The following COQ8A variants were observed in gnomAD, a reference collection of about 807,000 sequenced individuals.
The protein encoded by COQ8A is atypical kinase COQ8A, mitochondrial.
COQ8A carries 51 observed loss-of-function variants against 65.0 expected under a neutral mutation model. The observed-to-expected ratio is 0.78, with a 90% confidence interval of 0.63 to 0.99. The LOEUF (loss-of-function observed/expected upper bound fraction) is 0.99. Ranked by LOEUF, COQ8A falls within the 50% of genes least tolerant of loss-of-function variation. The pLI, the probability that COQ8A is intolerant of heterozygous loss-of-function variation, is 0.00. For synonymous variants in COQ8A, 371 were observed against 353.2 expected (o/e 1.05, Z -0.57); for missense variants, 940 against 875.0 (o/e 1.07, Z -0.94).
intron 5 of COQ8A, among the ~76,000 whole-genome samples, chr1:226,981,091 A>C (rs566893123): frequency 6.6e-6 from 1 of 152,242 alleles, no homozygotes; most frequent in Non-Finnish European, 1.5e-5. Context: ...GACAGAAGGC[A>C]GGAGAAGCTC....
In COQ8A at chr1:226,986,677, C is replaced by T. The variant is rs748124696; in HGVS notation, c.1884C>T (p.Pro628=). The change falls in exon 15 of 15, where the codon CCC becomes CCT. Residue 628 remains proline (P), a synonymous_variant. Coordinates refer to ENST00000366777, the MANE Select transcript of COQ8A (RefSeq NM_020247.5). Reference sequence around the variant, plus strand: ...GCTCCAAGCTGAAGGCCCGCTTCCCCTGCAAGGCCATGTTCGAGGAGGCCT... The same window carrying T: ...GCTCCAAGCTGAAGGCCCGCTTCCCTTGCAAGGCCATGTTCGAGGAGGCCT... ...LICSKLKARF[P]CKAMFEEAYS... 10 of 1,614,040 alleles carry T rather than the reference C, an allele frequency of 6.2e-6. No homozygotes were observed. In the Admixed American group the frequency reaches 6.7e-5, roughly 11 times the overall value.
intron 2 of COQ8A, among the ~76,000 whole-genome samples, chr1:226,962,992 G>A (rs1658343717): frequency 6.6e-6 from 1 of 152,230 alleles, no homozygotes; most frequent in South Asian, 2.1e-4. Context: ...TGGGGCCTCG[G>A]CCTCGCTCTT....
chr1:226,980,510 G>C (rs953480057), intron 5 of COQ8A, among the ~76,000 whole-genome samples: 1 of 152,182 alleles, frequency 6.6e-6, no homozygotes, highest in East Asian at 1.9e-4. Context: ...CAAGCCCCCA[G>C]CCCACAAGTA....
intron 1 of COQ8A, among the ~76,000 whole-genome samples, chr1:226,947,096 A>G (rs1251359567): frequency 6.6e-6 from 1 of 152,224 alleles, no homozygotes; most frequent in Admixed American, 6.5e-5. Flanking sequence ...CAGAATTTTT[A>G]TGACTCAATT....
At position 226,965,042 on chromosome 1, in the gene COQ8A, G is replaced by C. The variant is rs778948697; in HGVS notation, c.220G>C (p.Gly74Arg). ...HEEYFAENFG[G>R]PEGEFHFSVP... The stretch of plus-strand genomic sequence containing the variant: ...AGAATATTTTGCTGAGAACTTCGGC[G>C]GCCCAGAAGGGGAGTTCCACTTCTC... The change falls in exon 3 of 15, where the codon GGC becomes CGC. Residue 74 changes from glycine to arginine, a missense_variant. Physicochemically the swap from Gly to Arg is moderately radical, Grantham distance 125. Transcript: ENST00000366777. 6.2e-7 allele frequency: 1 copy of C among 1,613,886 alleles called. No individual in the cohort carries two copies. Among genetic ancestry groups the C allele is most frequent in the Admixed American group, 1.7e-5 (1 of 60,008 alleles).
chr1:226,949,193 G>A lies in COQ8A; in HGVS notation c.-10+8794G>A, dbSNP rs1247601595. Among the ~76,000 whole-genome samples the A allele has an allele frequency of 6.6e-6, 1 of 151,850 alleles. No homozygotes were observed. The highest frequency in any genetic ancestry group is 2.4e-5 in the African/African-American group (1 of 41,344). ...AGTGCGCTCACATGGCTCGCGCGTAGCTGGAGGCTGGAAAGGAGGCCGGGG... is the reference window on the plus strand; with the variant it reads ...AGTGCGCTCACATGGCTCGCGCGTAACTGGAGGCTGGAAAGGAGGCCGGGG... On this transcript the variant is annotated intron_variant, in intron 1 of 14. Transcript: ENST00000366777. The surrounding 1 kb of genome is among the most constrained non-coding windows in gnomAD (Gnocchi z 4.0).
At position 226,946,211 on chromosome 1, in the gene COQ8A, G is replaced by C. The variant is rs1448841082; in HGVS notation, c.-10+5812G>C. Among the ~76,000 whole-genome samples the C allele has an allele frequency of 1.3e-5, 2 of 151,456 alleles. No individual in the cohort carries two copies. Among genetic ancestry groups the C allele is most frequent in the African/African-American group, 4.9e-5 (2 of 40,714 alleles). On this transcript the variant is annotated intron_variant, in intron 1 of 14. Coordinates refer to ENST00000366777, the MANE Select transcript of COQ8A (RefSeq NM_020247.5). The surrounding 1 kb of genome is among the most constrained non-coding windows in gnomAD (Gnocchi z 5.3). ...AAGGGAAATGGGACAGGCACACACA[G>C]AGTCATACAGGGCATGGCGAGGTGA...
At position 226,962,139 on chromosome 1, in the gene COQ8A, A is replaced by G. The variant is rs116857331; in HGVS notation, c.177+577A>G. On this transcript the variant is annotated intron_variant, in intron 2 of 14. Coordinates refer to ENST00000366777, the MANE Select transcript of COQ8A (RefSeq NM_020247.5). The stretch of plus-strand genomic sequence containing the variant: ...CAGCCTTCGAAGGCCCTTCCCACTG[A>G]GCCTGCTGAGCCTCCGCCAAGGCCT... Among the ~76,000 whole-genome samples, 378 of 152,196 alleles carry G rather than the reference A, an allele frequency of 2.5e-3. 9 individuals are homozygous for G. In the East Asian group the frequency reaches 0.047, roughly 19 times the overall value.
At chr1:226,953,583 C>T (rs1417499055) in intron 1 of COQ8A, among the ~76,000 whole-genome samples, 1 of 152,178 alleles carries the variant, frequency 6.6e-6, no homozygotes, top group African/African-American at 2.4e-5. Flanking sequence ...GTACAGGCTC[C>T]TGGGCTCCCG....
At chr1:226,970,350 A>G (rs970969598) in intron 4 of COQ8A, among the ~76,000 whole-genome samples, 1 of 152,228 alleles carries the variant, frequency 6.6e-6, no homozygotes, top group Non-Finnish European at 1.5e-5. Context: ...ACAAACCTAG[A>G]TGGTATAGCC....
chr1:226,971,999 T>G (rs1345070351), intron 4 of COQ8A, among the ~76,000 whole-genome samples: 1 of 152,224 alleles, frequency 6.6e-6, no homozygotes, highest in Non-Finnish European at 1.5e-5. Flanking sequence ...CTCTGTCCCC[T>G]GTGTCTCCTT....
rs977875950 is a variant in COQ8A, at chr1:226,940,383, C to T, written c.-26C>T. ...GCGGCTAGAAGGTGACCGCGGATCC[C>T]AGCTTCCTGCAGCCAGGTAAGGCTG... On this transcript the variant is annotated 5_prime_UTR_variant, in exon 1 of 15. Transcript: ENST00000366777. The T allele has an allele frequency of 6.6e-6, 1 of 152,360 alleles. No individual in the cohort carries two copies. Among genetic ancestry groups the T allele is most frequent in the Non-Finnish European group, 1.5e-5 (1 of 68,136 alleles). 9.4% of individuals were successfully genotyped at this position (152,360 alleles called of 1,614,324 possible). A position where few individuals can be genotyped will look rare whatever the true frequency, so the allele number is the denominator to read the frequency against.
At chr1:226,952,857 C>T (rs1572024442) in intron 1 of COQ8A, among the ~76,000 whole-genome samples, 2 of 152,154 alleles carry the variant, frequency 1.3e-5, no homozygotes, top group South Asian at 4.1e-4. Flanking sequence ...CCCACCACTG[C>T]ATGAAAAGCA....
intron 10 of COQ8A, 48 bp from the exon 11 acceptor site, chr1:226,984,046 C>T (rs375538489): frequency 3.9e-5 from 62 of 1,605,886 alleles, no homozygotes; most frequent in East Asian, 1.6e-4. Flanking sequence ...GGGGGGGGGA[C>T]GGTGTGGAGG....
intron 1 of COQ8A, among the ~76,000 whole-genome samples, chr1:226,961,072 C>G (rs1442585883): frequency 2.6e-5 from 4 of 152,160 alleles, no homozygotes; most frequent in Non-Finnish European, 1.5e-5. Flanking sequence ...ATCACGCCAC[C>G]TGTCTGTGCC....
At chr1:226,983,525 TC>T in intron 8 of COQ8A, 26 bp from the exon 9 acceptor site, 3 of 1,608,132 alleles carry the variant, frequency 1.9e-6, no homozygotes, top group Non-Finnish European at 2.6e-6. Context: ...CTGGGCTAAC[TC>T]CCCTGCCTCA....
At chr1:226,947,011 C>A (rs12062453) in intron 1 of COQ8A, among the ~76,000 whole-genome samples, 5,342 of 152,252 alleles carry the variant, frequency 0.035, 328 homozygotes, top group African/African-American at 0.12. Flanking sequence ...ATTGTGATAC[C>A]CTCAGTCCTG....
In COQ8A at chr1:226,983,938, A is replaced by G; in HGVS notation, c.1256+84A>G. 2.6e-6 allele frequency: 4 copies of G among 1,542,958 alleles called. No homozygotes were observed. The South Asian group carries it at 4.6e-5, about 18-fold the overall frequency. On this transcript the variant is annotated intron_variant, in intron 10 of 14. Coordinates refer to ENST00000366777, the MANE Select transcript of COQ8A (RefSeq NM_020247.5). ...TTCAGCAGCTGGTGAAGGCCCCTCC[A>G]GCTCTGAGGGGCAGAGGGCTGGGGT... is the stretch of plus-strand genomic sequence containing the variant.
intron 1 of COQ8A, among the ~76,000 whole-genome samples, chr1:226,956,247 G>A (rs1572030465): frequency 2.4e-5 from 2 of 81,806 alleles, no homozygotes; most frequent in Non-Finnish European, 4.6e-5. Flanking sequence ...CACTCTCCCT[G>A]GCTCCCACTC....
Sources: allele counts gnomAD v4.1 joint callset (sites outside exome capture counted in the v4.1 genomes callset), GRCh38; gene constraint gnomAD v4.1.1; non-coding constraint Gnocchi (gnomAD v3.1); transcripts MANE v1.5; gene names NCBI Gene and HGNC (gene_info 2026-07-23, HGNC 2026-07-21).